SKIC8: variants seen among roughly 807,000 people sequenced by gnomAD.
SKIC8 encodes the protein superkiller complex protein 8.
the SKIC8 span, chr15:78,286,021 T>G: frequency 1.2e-5 from 19 of 1,604,752 alleles, no homozygotes; most frequent in Non-Finnish European, 1.6e-5. Flanking sequence ...TTTTAGAAAC[T>G]GCTAAGAATC....
the SKIC8 span, chr15:78,283,465 G>T: frequency 6.2e-7 from 1 of 1,613,702 alleles, no homozygotes; most frequent in South Asian, 1.1e-5. Flanking sequence ...GAATTTCCTG[G>T]TCATCTCCAA....
the SKIC8 span, chr15:78,293,406 C>A: frequency 1.2e-6 from 1 of 824,494 alleles, no homozygotes; most frequent in Non-Finnish European, 1.8e-6. Flanking sequence ...TCCTATACAG[C>A]TTTTATTGAA....
the SKIC8 span, among the ~76,000 whole-genome samples, chr15:78,289,367 C>A: frequency 2.0e-5 from 3 of 152,064 alleles, no homozygotes; most frequent in East Asian, 5.8e-4. Flanking sequence ...GAGCTATGAT[C>A]ACACCACTGC....
At chr15:78,293,620 G>A in the SKIC8 span, among the ~76,000 whole-genome samples, 3 of 152,138 alleles carry the variant, frequency 2.0e-5, no homozygotes, top group African/African-American at 7.2e-5. Context: ...CTCCTACCAA[G>A]AAAAGGCCTA....
At chr15:78,283,306 A>T in the SKIC8 span, 1 of 660,096 alleles carries the variant, frequency 1.5e-6, no homozygotes, top group Admixed American at 3.0e-5. Flanking sequence ...TTCATATTGT[A>T]TCTACAAAAT....
At chr15:78,284,446 AAATATTTAAAAT>A in the SKIC8 span, 4 of 152,242 alleles carry the variant, frequency 2.6e-5, no homozygotes, top group Admixed American at 2.6e-4. Flanking sequence ...GACCATCTAA[AAATATTTAAAAT>A]ATATTAAAAG....
the SKIC8 span, chr15:78,288,239 G>C: frequency 6.3e-7 from 1 of 1,591,770 alleles, no homozygotes; most frequent in Non-Finnish European, 8.6e-7. Flanking sequence ...TAACAATAAA[G>C]GGACAAGATG....
chr15:78,294,101 C>T, the SKIC8 span, among the ~76,000 whole-genome samples: 1 of 152,214 alleles, frequency 6.6e-6, no homozygotes, highest in Admixed American at 6.5e-5. Context: ...GCTTCCATTT[C>T]AAACCTCACC....
At chr15:78,290,387 C>T in the SKIC8 span, 1 of 310,436 alleles carries the variant, frequency 3.2e-6, no homozygotes, top group Non-Finnish European at 5.9e-6. Context: ...CTTTGAAAAC[C>T]AGTTTGACAG....
the SKIC8 span, among the ~76,000 whole-genome samples, chr15:78,288,620 T>C: frequency 2.6e-5 from 4 of 152,218 alleles, no homozygotes; most frequent in African/African-American, 7.2e-5. Context: ...GCCCTCAGCA[T>C]ACATTGCTTT....
the SKIC8 span, chr15:78,295,633 A>C: frequency 6.2e-7 from 1 of 1,611,028 alleles, no homozygotes; most frequent in Non-Finnish European, 8.5e-7. Context: ...TGAACTTGGC[A>C]AAGAGACCAA....
At chr15:78,283,458 T>C in the SKIC8 span, 8 of 1,613,810 alleles carry the variant, frequency 5.0e-6, no homozygotes, top group Non-Finnish European at 6.8e-6. Flanking sequence ...TAGATGTGAA[T>C]TTCCTGGTCA....
At chr15:78,285,160 T>G in the SKIC8 span, 2 of 1,092,074 alleles carry the variant, frequency 1.8e-6, no homozygotes, top group Admixed American at 3.7e-5. Context: ...AGGCATCTAC[T>G]GGTATCCACA....
chr15:78,286,027 G>C, the SKIC8 span: 1 of 1,608,058 alleles, frequency 6.2e-7, no homozygotes, highest in South Asian at 1.1e-5. Flanking sequence ...AAACTGCTAA[G>C]AATCATTAAG....
At chr15:78,293,352 G>T in the SKIC8 span, 1 of 1,304,198 alleles carries the variant, frequency 7.7e-7, no homozygotes, top group Non-Finnish European at 1.1e-6. Context: ...ACAATTGTGA[G>T]GTAACATTTA....
At chr15:78,285,634 A>G in the SKIC8 span, 1 of 519,766 alleles carries the variant, frequency 1.9e-6, no homozygotes, top group Non-Finnish European at 3.5e-6. Flanking sequence ...GGCTCGCAGG[A>G]GGCCTCTAAA....
chr15:78,287,327 CA>C, the SKIC8 span, among the ~76,000 whole-genome samples: 3 of 76,344 alleles, frequency 3.9e-5, no homozygotes, highest in African/African-American at 1.3e-4. Flanking sequence ...CACTCAGTTA[CA>C]GTTAAAAACT....
At chr15:78,288,451 T>G in the SKIC8 span, 5 of 1,469,396 alleles carry the variant, frequency 3.4e-6, no homozygotes, top group East Asian at 2.3e-5. Flanking sequence ...CCACTGACAA[T>G]GCCCCTTTTA....
At chr15:78,285,367 G>A in the SKIC8 span, 11,287 of 1,608,426 alleles carry the variant, frequency 7.0e-3, 68 homozygotes, top group South Asian at 0.014. Flanking sequence ...CATTAGTATC[G>A]GTTTGAAGTT....
Sources: gnomAD v4.1 joint callset for allele counts (sites outside exome capture counted in the v4.1 genomes callset) on GRCh38, gnomAD v4.1.1 for gene constraint, MANE v1.5 for transcripts, NCBI Gene and HGNC (gene_info 2026-07-23, HGNC 2026-07-21) for gene names.